ANKRD12: variants seen among roughly 807,000 people sequenced by gnomAD.
The protein encoded by ANKRD12 is ankyrin repeat domain 12, also known as ankyrin repeat domain-containing protein 12.
Under a neutral mutation model 183.4 loss-of-function variants are expected in ANKRD12, and 85 were observed. The observed-to-expected ratio is 0.46, with a 90% CI of 0.39 to 0.56. The LOEUF (loss-of-function observed/expected upper bound fraction) is 0.56, where lower values mean the gene tolerates loss of function less well. ANKRD12 is among the 20% of genes least tolerant of loss of function. The pLI, the probability that ANKRD12 is intolerant of heterozygous loss-of-function variation, is 0.00. For missense variants in ANKRD12, 2,405 were observed against 2,357.1 expected, an observed-to-expected ratio of 1.02 and a Z score of -0.42; for synonymous variants, 914 against 800.2, an observed-to-expected ratio of 1.14 and a Z score of -2.40.
Position 9,150,920 on chromosome 18 carries a change from T to A in ANKRD12, c.-52+13955T>A, listed in dbSNP as rs147350879. On this transcript the variant is annotated intron_variant, in intron 1 of 12. Coordinates refer to ENST00000262126, the MANE Select transcript of ANKRD12 (RefSeq NM_015208.5). Reference sequence around the variant, plus strand: ...CACCTGCCTTGGCCTCCCAAAGTGCTGGGATTACAGGTGTAAGCCATCGCG... The same window carrying A: ...CACCTGCCTTGGCCTCCCAAAGTGCAGGGATTACAGGTGTAAGCCATCGCG... 6.8e-3 allele frequency among the ~76,000 whole-genome samples: 1,037 copies of A among 152,140 alleles called. 11 individuals carry two copies. The highest frequency in any genetic ancestry group is 0.023 in the African/African-American group (960 of 41,520).
chr18:9,186,917 A>G (rs1160763002), intron 2 of ANKRD12, among the ~76,000 whole-genome samples: 1 of 151,592 alleles, frequency 6.6e-6, no homozygotes, highest in Non-Finnish European at 1.5e-5. Context: ...GCACCTGGCT[A>G]ATTTTTTGTA....
chr18:9,267,767 A>G (rs2039378525), intron 10 of ANKRD12, among the ~76,000 whole-genome samples: 1 of 152,136 alleles, frequency 6.6e-6, no homozygotes, highest in South Asian at 2.1e-4. Context: ...GAAATAACTA[A>G]GATCAGAGCA....
intron 8 of ANKRD12, chr18:9,249,500 T>C (rs1038657706): frequency 3.3e-5 from 5 of 152,318 alleles, no homozygotes; most frequent in South Asian, 2.1e-4. Flanking sequence ...CAAGGAGTGA[T>C]TGGGAGGTTA....
At chr18:9,159,524 C>A (rs1002746353) in intron 1 of ANKRD12, among the ~76,000 whole-genome samples, 3 of 151,490 alleles carry the variant, frequency 2.0e-5, no homozygotes, top group African/African-American at 7.3e-5. Context: ...CTCTGCCTCC[C>A]GGGTTCCTGC....
chr18:9,280,259 T>TC (rs1267905789), intron 12 of ANKRD12, among the ~76,000 whole-genome samples: 1 of 152,202 alleles, frequency 6.6e-6, no homozygotes, highest in East Asian at 1.9e-4. Context: ...CAGTTCACAA[T>TC]AGGGTTTGAG....
chr18:9,265,083 C>T (rs1473909179), intron 10 of ANKRD12, among the ~76,000 whole-genome samples: 1 of 152,164 alleles, frequency 6.6e-6, no homozygotes, highest in Non-Finnish European at 1.5e-5. Flanking sequence ...GGGGGAGGGG[C>T]ACCCGCCATT....
In ANKRD12 at chr18:9,239,539, A is replaced by G. The variant is rs985280453; in HGVS notation, c.944-14672A>G. 1.1e-5 allele frequency: 14 copies of G among 1,285,212 alleles called. No individual in the cohort carries two copies. The African/African-American group carries it at 1.4e-4, about 13-fold the overall frequency. The allele number at this position is 1,285,212 out of a possible 1,614,324, so 79.6% of individuals were successfully genotyped here. A position where few individuals can be genotyped will look rare whatever the true frequency, so the allele number is the denominator to read the frequency against. On this transcript the variant is annotated intron_variant, in intron 8 of 12. Transcript: ENST00000262126. ...TTGCTTGGTCAAAGTCCCTCAAGGA[A>G]TGATACAAAAATCATCAGTAAGTAT...
intron 2 of ANKRD12, among the ~76,000 whole-genome samples, chr18:9,186,820 C>T (rs2034104494): frequency 6.8e-6 from 1 of 147,804 alleles, no homozygotes; most frequent in African/African-American, 2.5e-5. Context: ...GGCGCGATCT[C>T]AGCTCACTGC....
At position 9,256,944 on chromosome 18, in the gene ANKRD12, C is replaced by G. The variant is rs979634982; in HGVS notation, c.3677C>G (p.Pro1226Arg). The G allele has an allele frequency of 1.2e-6, 2 of 1,614,090 alleles. No homozygotes were observed. The highest frequency in any genetic ancestry group is 1.7e-6 in the Non-Finnish European group (2 of 1,179,986). The change falls in exon 9 of 13, where the codon CCA (proline) becomes CGA (arginine). Residue 1226 changes from proline to arginine, a missense_variant. Transcript: ENST00000262126. Reference sequence around the variant, plus strand: ...ACTACAGTGACAACCCCAAGGCCTCCAGTTGAGTATGACTCTGACTTTATG... The same window carrying G: ...ACTACAGTGACAACCCCAAGGCCTCGAGTTGAGTATGACTCTGACTTTATG... ...CHTTVTTPRPPVEYDSDFMLE... is the reference protein window; with the variant it reads ...CHTTVTTPRPRVEYDSDFMLE...
At chr18:9,187,229 C>T (rs2034144867) in intron 2 of ANKRD12, among the ~76,000 whole-genome samples, 1 of 151,644 alleles carries the variant, frequency 6.6e-6, no homozygotes, top group African/African-American at 2.4e-5. Context: ...AGTTCAAGAC[C>T]AGCCTGGGCA....
chr18:9,276,039 C>G (rs1164554781), intron 11 of ANKRD12, among the ~76,000 whole-genome samples: 1 of 152,168 alleles, frequency 6.6e-6, no homozygotes, highest in Non-Finnish European at 1.5e-5. Context: ...TAGGTTGTGA[C>G]AGTCCTAAAA....
intron 3 of ANKRD12, among the ~76,000 whole-genome samples, chr18:9,201,929 G>T (rs930217711): frequency 6.6e-6 from 1 of 151,700 alleles, no homozygotes; most frequent in Non-Finnish European, 1.5e-5. Flanking sequence ...CTGGGTTCAA[G>T]CAGTTCTCCT....
chr18:9,149,803 T>TATTTTTA (rs1438736153), intron 1 of ANKRD12, among the ~76,000 whole-genome samples: 1 of 139,948 alleles, frequency 7.1e-6, no homozygotes, highest in African/African-American at 2.6e-5. Context: ...ATTTTATTTT[T>TATTTTTA]TTTTTTTTTT....
chr18:9,182,556 ACTG>A, intron 2 of ANKRD12, 37 bp downstream of exon 2: 1 of 1,395,564 alleles, frequency 7.2e-7, no homozygotes. Context: ...GACTTTTTGA[ACTG>A]GGAAAAAGAC....
Position 9,255,961 on chromosome 18 carries a change from C to A in ANKRD12, c.2694C>A (p.Asp898Glu). Reference sequence around the variant, plus strand: ...ATACTGCTGCTATTAAAAAAACTGACGACAGAGAGAAAAGTAGAGAAAAGA... The same window carrying A: ...ATACTGCTGCTATTAAAAAAACTGAAGACAGAGAGAAAAGTAGAGAAAAGA... ...SKNTAAIKKT[D>E]DREKSREKMD... is the part of the protein sequence containing the mutation. The change falls in exon 9 of 13, where the codon GAC (aspartate) becomes GAA (glutamate). Residue 898 changes from aspartate (D) to glutamate (E), a missense_variant. This residue lies in a region of ANKRD12 where 1,983 missense variants were observed against 1,725.9 expected (regional missense o/e 1.15). Transcript: ENST00000262126. The A allele has an allele frequency of 2.6e-6, 4 of 1,565,370 alleles. No homozygotes were observed. Among genetic ancestry groups the A allele is most frequent in the East Asian group, 2.3e-5 (1 of 43,642 alleles).
At chr18:9,250,511 G>A (rs923466989) in intron 8 of ANKRD12, among the ~76,000 whole-genome samples, 33 of 152,066 alleles carry the variant, frequency 2.2e-4, no homozygotes, top group African/African-American at 8.0e-4. Context: ...TTGAGGCCAG[G>A]AATTCGAGAC....
chr18:9,156,881 A>G (rs2030548770), intron 1 of ANKRD12, among the ~76,000 whole-genome samples: 1 of 152,252 alleles, frequency 6.6e-6, no homozygotes, highest in South Asian at 2.1e-4. Context: ...TAATCTAGTC[A>G]CACAAAAGGA....
chr18:9,161,221 C>G (rs1387301493), intron 1 of ANKRD12, among the ~76,000 whole-genome samples: 2 of 152,050 alleles, frequency 1.3e-5, no homozygotes, highest in Non-Finnish European at 2.9e-5. Flanking sequence ...AAACTGAGCT[C>G]TTAAAGAGTG....
intron 11 of ANKRD12, among the ~76,000 whole-genome samples, chr18:9,276,331 A>G (rs1175331453): frequency 6.6e-6 from 1 of 152,242 alleles, no homozygotes; most frequent in Non-Finnish European, 1.5e-5. Flanking sequence ...ATAATAGGGT[A>G]TATCACAGAA....
Sources: allele counts gnomAD v4.1 joint callset (sites outside exome capture counted in the v4.1 genomes callset), GRCh38; gene constraint gnomAD v4.1.1; regional missense constraint gnomAD v4.1.1; transcripts MANE v1.5; gene names NCBI Gene and HGNC (gene_info 2026-07-23, HGNC 2026-07-21).